DMXL1: variants seen among roughly 807,000 people sequenced by gnomAD.
DMXL1 encodes the protein Dmx like 1.
A neutral mutation model predicts 319.2 loss-of-function variants in DMXL1; 99 were observed. That is an observed-to-expected ratio of 0.31 (90% CI 0.26 to 0.37). DMXL1 has a LOEUF of 0.37. DMXL1 is among the 10% of genes least tolerant of loss of function. The pLI is 1.00. For missense variants in DMXL1, 3,745 were observed against 3,595.6 expected (o/e 1.04, Z -1.06); for synonymous variants, 1,385 against 1,235.2 (o/e 1.12, Z -2.54).
At chr5:119,199,027 C>T (rs1355580637) in intron 32 of DMXL1, among the ~76,000 whole-genome samples, 4 of 152,158 alleles carry the variant, frequency 2.6e-5, no homozygotes, top group African/African-American at 9.7e-5. Context: ...GCTGGGATCA[C>T]AGGCACACAC....
At chr5:119,101,600 T>G (rs966516652) in intron 2 of DMXL1, among the ~76,000 whole-genome samples, 2 of 152,356 alleles carry the variant, frequency 1.3e-5, no homozygotes, top group African/African-American at 4.8e-5. Context: ...CAATTAACAT[T>G]TACTGTGCAT....
Position 119,165,296 on chromosome 5 carries a change from A to T in DMXL1, c.4970+16A>T. 1 of 1,388,738 alleles carries T rather than the reference A, an allele frequency of 7.2e-7. No homozygotes were observed. Among genetic ancestry groups the T allele is most frequent in the Non-Finnish European group, 1.0e-6 (1 of 1,004,696 alleles). The allele number at this position is 1,388,738 out of a possible 1,614,324, so 86.0% of individuals were successfully genotyped here. On this transcript the variant is annotated intron_variant, in intron 21 of 43. Transcript: ENST00000539542. Reference sequence around the variant, plus strand: ...GATTATATAGGTAGGTAAAAAAAAAAAAAAAAAAGGGTGCTTCAATGTGAA... The same window carrying T: ...GATTATATAGGTAGGTAAAAAAAAATAAAAAAAAGGGTGCTTCAATGTGAA...
chr5:119,144,763 TTAAA>T, intron 15 of DMXL1, 125 bp downstream of exon 15: 1 of 530,708 alleles, frequency 1.9e-6, no homozygotes, highest in Non-Finnish European at 3.3e-6. Context: ...GGTTTGTTTA[TTAAA>T]TATTTATCAT....
At chr5:119,101,268 T>C (rs1757214971) in intron 2 of DMXL1, among the ~76,000 whole-genome samples, 1 of 152,224 alleles carries the variant, frequency 6.6e-6, no homozygotes, top group Admixed American at 6.5e-5. Context: ...ATGTTTGTTG[T>C]GTCCTCATTT....
At position 119,189,702 on chromosome 5, in the gene DMXL1, T is replaced by C. The variant is rs1554133754; in HGVS notation, c.7136-6T>C. ...CTTCAGTAACATTTTATTTTCTTTT[T>C]GTTAGTTTCTTCACTAGTTGAAGAA... On this transcript the variant is annotated splice_region_variant and splice_polypyrimidine_tract_variant and intron_variant, in intron 28 of 43. Transcript: ENST00000539542. 1 of 1,612,982 alleles carries C rather than the reference T, an allele frequency of 6.2e-7. No homozygotes were observed. The highest frequency in any genetic ancestry group is 8.5e-7 in the Non-Finnish European group (1 of 1,179,194).
At chr5:119,101,851 A>G (rs1757348262) in intron 2 of DMXL1, 84 bp from the exon 3 acceptor site, 1 of 860,252 alleles carries the variant, frequency 1.2e-6, no homozygotes, top group African/African-American at 1.7e-5. Context: ...GCATATTTAA[A>G]GTTATAGTAT....
At chr5:119,205,319 A>G (rs1335553202) in intron 33 of DMXL1, among the ~76,000 whole-genome samples, 1 of 152,168 alleles carries the variant, frequency 6.6e-6, no homozygotes, top group African/African-American at 2.4e-5. Context: ...TTAAAGAAAT[A>G]GAGTAGTATA....
rs137904079 is a variant in DMXL1, at chr5:119,179,306, C to CA, written c.7135+1078dup. 3.3e-3 allele frequency among the ~76,000 whole-genome samples: 387 copies of CA among 119,028 alleles called. 1 individual carries two copies. The highest frequency in any genetic ancestry group is 8.7e-3 in the African/African-American group (276 of 31,740). The allele number at this position is 119,028 out of a possible 152,430, so 78.1% of individuals were successfully genotyped here. On this transcript the variant is annotated intron_variant, in intron 28 of 43. Transcript: ENST00000539542. The stretch of plus-strand genomic sequence containing the variant: ...AAATTGAAAATGTTAAATGTTTTTC[C>CA]AAAAAAAAAAAAAAAAGCCCTATGC...
At position 119,224,733 on chromosome 5, in the gene DMXL1, GT is replaced by G; in HGVS notation, c.8304del (p.Arg2769GlufsTer3). 1 of 1,330,014 alleles carries G rather than the reference GT, an allele frequency of 7.5e-7. No individual in the cohort carries two copies. The highest frequency in any genetic ancestry group is 1.0e-6 in the Non-Finnish European group (1 of 996,436). The allele number at this position is 1,330,014 out of a possible 1,614,324, so 82.4% of individuals were successfully genotyped here. On this transcript the variant is annotated frameshift_variant, in exon 38 of 44. Transcript: ENST00000539542. LOFTEE classifies it high-confidence loss of function. ...SVMIKKAINN[V>X]RRMTSHPTLP... ...GATGATTAAGAAAGCCATTAATAAT[GT>G]TAGAAGAATGACTTCTCATCCAACT...
chr5:119,184,767 C>T (rs1048743311), intron 28 of DMXL1, among the ~76,000 whole-genome samples: 2 of 152,182 alleles, frequency 1.3e-5, no homozygotes, highest in East Asian at 3.9e-4. Flanking sequence ...CTTATTTCAC[C>T]TAGTGTAATG....
At chr5:119,166,058 T>G (rs1366983469) in intron 21 of DMXL1, among the ~76,000 whole-genome samples, 1 of 152,228 alleles carries the variant, frequency 6.6e-6, no homozygotes, top group Non-Finnish European at 1.5e-5. Context: ...TGAGCTGAAT[T>G]CACTTAGAAT....
At position 119,129,217 on chromosome 5, in the gene DMXL1, C is replaced by G; in HGVS notation, c.1109C>G (p.Pro370Arg). The G allele has an allele frequency of 1.2e-6, 2 of 1,600,778 alleles. No homozygotes were observed. Among genetic ancestry groups the G allele is most frequent in the Non-Finnish European group, 1.7e-6 (2 of 1,172,878 alleles). The change falls in exon 10 of 44, where the codon CCA becomes CGA. Residue 370 changes from proline (P) to arginine (R), a missense_variant. This residue lies in a region of DMXL1 where 2,096 missense variants were observed against 1,985.4 expected (regional missense o/e 1.06). Transcript: ENST00000539542. The part of the protein sequence containing the change: ...AASINPATDI[P>R]LLPSITSLSL... ...TCTTTTTTTTCTCTTATAGACATTC[C>G]ACTTCTTCCATCTATTACATCTCTG...
At chr5:119,194,007 T>C in intron 30 of DMXL1, 37 bp downstream of exon 30, 1 of 1,370,204 alleles carries the variant, frequency 7.3e-7, no homozygotes, top group East Asian at 2.6e-5. Context: ...TTTTTAAAAA[T>C]AATGGTGTAT....
chr5:119,079,831 G>A (rs770479407), intron 1 of DMXL1, among the ~76,000 whole-genome samples: 1 of 151,910 alleles, frequency 6.6e-6, no homozygotes, highest in Non-Finnish European at 1.5e-5. Flanking sequence ...TACCATACTC[G>A]CCCCCAACCC....
chr5:119,118,485 C>A (rs756353389), intron 7 of DMXL1, among the ~76,000 whole-genome samples: 1 of 152,036 alleles, frequency 6.6e-6, no homozygotes, highest in Non-Finnish European at 1.5e-5. Context: ...TGGCACACAC[C>A]TGTAATCCCA....
chr5:119,173,660 T>G (rs559609002), intron 25 of DMXL1, among the ~76,000 whole-genome samples: 1 of 135,438 alleles, frequency 7.4e-6, no homozygotes, highest in Admixed American at 7.6e-5. Context: ...AGAAACAGAA[T>G]CAGTAGGATG....
chr5:119,203,494 T>G, intron 33 of DMXL1, 58 bp downstream of exon 33: 1 of 1,003,924 alleles, frequency 1.0e-6, no homozygotes, highest in Non-Finnish European at 1.4e-6. Context: ...TATATTATCA[T>G]GTAACCATTA....
In DMXL1 at chr5:119,081,772, G is replaced by A. The variant is rs532261895; in HGVS notation, c.87+10116G>A. ...TGTGCATGGAGAATTTTGTTCTTAC[G>A]TGTATTTGAAGGTAGTTTTTGGCCA... On this transcript the variant is annotated intron_variant, in intron 1 of 43. Coordinates refer to ENST00000539542, the MANE Select transcript of DMXL1 (RefSeq NM_001290321.3). The A allele has an allele frequency of 4.8e-4, 466 of 964,652 alleles. 6 individuals carry two copies. In the South Asian group the frequency reaches 0.019, roughly 39 times the overall value. The allele number at this position is 964,652 out of a possible 1,614,324, so 59.8% of individuals were successfully genotyped here.
rs2150110592 is a variant in DMXL1, at chr5:119,143,821, A to C, written c.2377-20A>C. The C allele has an allele frequency of 6.6e-7, 1 of 1,512,014 alleles. No individual in the cohort carries two copies. The allele number at this position is 1,512,014 out of a possible 1,614,324, so 93.7% of individuals were successfully genotyped here. A position where few individuals can be genotyped will look rare whatever the true frequency, so the allele number is the denominator to read the frequency against. ...CATATGAATTGTTTAGTAAATTATAAATTTTTTTAAAAAAAACAGAAATAT... is the reference window on the plus strand; with the variant it reads ...CATATGAATTGTTTAGTAAATTATACATTTTTTTAAAAAAAACAGAAATAT... On this transcript the variant is annotated intron_variant, in intron 13 of 43. Transcript: ENST00000539542.
Sources: allele counts gnomAD v4.1 joint callset (sites outside exome capture counted in the v4.1 genomes callset), GRCh38; gene constraint gnomAD v4.1.1; regional missense constraint gnomAD v4.1.1; transcripts MANE v1.5; gene names NCBI Gene and HGNC (gene_info 2026-07-23, HGNC 2026-07-21).